Variants in TKFC observed in about 807,000 individuals in gnomAD.
TKFC encodes triokinase and FMN cyclase.
In TKFC, 46 loss-of-function variants were observed where a neutral mutation model predicts 61.0. The ratio of observed to expected loss-of-function variants is 0.75; its 90% CI spans 0.60 to 0.96. The LOEUF is 0.96. Among genes scored for constraint, TKFC ranks in the 50% least tolerant of loss-of-function variants. The pLI, the probability that TKFC is intolerant of heterozygous loss-of-function variation, is 0.00. For missense variants in TKFC, 715 were observed against 777.5 expected, an observed-to-expected ratio of 0.92 and a Z score of 0.96; for synonymous variants, 314 against 330.1, an observed-to-expected ratio of 0.95 and a Z score of 0.53.
downstream of TKFC, chr11:61,353,320 A>G (rs181049351): frequency 2.6e-6 from 2 of 763,352 alleles, no homozygotes; most frequent in East Asian, 2.7e-5. Context: ...CCAAGCAACA[A>G]GAACAGTAAA....
At chr11:61,342,977 G>A (rs989797364) in intron 10 of TKFC, 133 bp downstream of exon 10, 21 of 875,676 alleles carry the variant, frequency 2.4e-5, no homozygotes, top group Non-Finnish European at 3.0e-5. Context: ...CCTAATTGCC[G>A]GATACCTTGA....
rs967173671 is a variant in TKFC, at chr11:61,341,443, G to A, written c.494G>A (p.Gly165Asp). ...CGTVLIHKVA[G>D]ALAEAGVGLE... The stretch of plus-strand genomic sequence containing the variant: ...ACCTCTTTGTGGCTGCAGGTGGCAG[G>A]TGCTCTGGCTGAGGCTGGTGTGGGG... The change falls in exon 6 of 18, where the codon GGT becomes GAT. Residue 165 changes from glycine to aspartate, a missense_variant. Transcript: ENST00000394900. The A allele has an allele frequency of 1.2e-5, 18 of 1,553,656 alleles. No homozygotes were observed. The highest frequency in any genetic ancestry group is 1.5e-5 in the Non-Finnish European group (17 of 1,148,024).
intron 2 of TKFC, among the ~76,000 whole-genome samples, chr11:61,337,422 A>G (rs1856655418): frequency 6.6e-6 from 1 of 152,222 alleles, no homozygotes; most frequent in South Asian, 2.1e-4. Context: ...CTGGGATTAC[A>G]GGCATGAGCC....
intron 5 of TKFC, among the ~76,000 whole-genome samples, chr11:61,340,123 T>A (rs1057445713): frequency 1.3e-5 from 2 of 152,036 alleles, no homozygotes; most frequent in African/African-American, 4.8e-5. Context: ...TGATTCTCCT[T>A]CCTCAGCCTC....
In TKFC at chr11:61,339,051, T is replaced by C. The variant is rs1373180360; in HGVS notation, c.194-15T>C. ...GTCCCACCCAGCATGCTCACTCCACTCCTTCCACCTCCAGGTTTCATAGGG... is the reference window on the plus strand; with the variant it reads ...GTCCCACCCAGCATGCTCACTCCACCCCTTCCACCTCCAGGTTTCATAGGG... On this transcript the variant is annotated splice_polypyrimidine_tract_variant and intron_variant, in intron 3 of 17. Transcript: ENST00000394900. 6.2e-7 allele frequency: 1 copy of C among 1,609,286 alleles called. No individual in the cohort carries two copies. The highest frequency in any genetic ancestry group is 1.1e-5 in the South Asian group (1 of 90,762).
rs920034479 is a variant in TKFC at position 61,349,159 on chromosome 11, G to A, written c.*2656G>A. 3.4e-5 allele frequency: 7 copies of A among 204,480 alleles called. No individual in the cohort carries two copies. Among genetic ancestry groups the A allele is most frequent in the Admixed American group, 1.0e-4 (2 of 19,936 alleles). 12.7% of individuals were successfully genotyped at this position (204,480 alleles called of 1,614,324 possible). The stretch of plus-strand genomic sequence containing the variant: ...AAAAAAGCCACAGCAGCAACACTTA[G>A]GAGCAAGACCCTTCCCGCTCTCCAC... On this transcript the variant is annotated 3_prime_UTR_variant, in exon 18 of 18. Coordinates refer to ENST00000394900, the MANE Select transcript of TKFC (RefSeq NM_015533.4).
Position 61,346,541 on chromosome 11 carries a change from C to T in TKFC, c.*38C>T. 1 of 1,519,428 alleles carries T rather than the reference C, an allele frequency of 6.6e-7. No individual in the cohort carries two copies. Among genetic ancestry groups the T allele is most frequent in the Non-Finnish European group, 8.8e-7 (1 of 1,133,740 alleles). The allele number at this position is 1,519,428 out of a possible 1,614,324, so 94.1% of individuals were successfully genotyped here. A position where few individuals can be genotyped will look rare whatever the true frequency, so the allele number is the denominator to read the frequency against. ...CCTCCCTTGGCCTCAGCTCCTCTCA[C>T]TGCTGTGCTGAGGTGGCCTTTGTCA... On this transcript the variant is annotated 3_prime_UTR_variant, in exon 18 of 18. Transcript: ENST00000394900. This position sits in a 1 kb window ranked among gnomAD's most constrained non-coding sequence, Gnocchi z 4.1.
chr11:61,346,332 C>T lies in TKFC; in HGVS notation c.1576-19C>T. On this transcript the variant is annotated intron_variant, in intron 17 of 17. Transcript: ENST00000394900. The surrounding 1 kb of genome is among the most constrained non-coding windows in gnomAD (Gnocchi z 4.1). ...CTGGTGATCTGCCCTTGAACCTGCT[C>T]CCACACCCCATCCCCCAGAGTGCCG... 1 of 1,611,716 alleles carries T rather than the reference C, an allele frequency of 6.2e-7. No individual in the cohort carries two copies.
chr11:61,341,400 C>T, intron 5 of TKFC, 36 bp from the exon 6 acceptor site: 1 of 1,549,758 alleles, frequency 6.5e-7, no homozygotes, highest in Non-Finnish European at 8.7e-7. Context: ...CAGTGATACC[C>T]TCCCCCCTGG....
In TKFC at chr11:61,344,117, C is replaced by T; in HGVS notation, c.1103-19C>T. The T allele has an allele frequency of 6.2e-7, 1 of 1,611,288 alleles. No homozygotes were observed. Among genetic ancestry groups the T allele is most frequent in the South Asian group, 1.1e-5 (1 of 90,964 alleles). On this transcript the variant is annotated intron_variant, in intron 12 of 17. Transcript: ENST00000394900. ...AGAAGGGCCTGGTGGGCCTGTTCTT[C>T]AGCATCCTCCCTTTCTAGGCTCAGC...
chr11:61,342,520 C>T (rs746710986), intron 8 of TKFC, 25 bp downstream of exon 8: 12 of 1,613,938 alleles, frequency 7.4e-6, no homozygotes, highest in Non-Finnish European at 1.0e-5. Flanking sequence ...TGGCACAGGC[C>T]GCCCTAAGGC....
Position 61,343,466 on chromosome 11 carries a change from T to C in TKFC, c.982+8T>C. The C allele has an allele frequency of 6.2e-7, 1 of 1,612,338 alleles. No individual in the cohort carries two copies. Among genetic ancestry groups the C allele is most frequent in the Non-Finnish European group, 8.5e-7 (1 of 1,178,404 alleles). On this transcript the variant is annotated splice_region_variant and intron_variant, in intron 11 of 17. Transcript: ENST00000394900. ...CTCTCCTGAAACTGATAGGTGAGACTTGGAACCTGGGGTCACCCAAGCCAG... is the reference window on the plus strand; with the variant it reads ...CTCTCCTGAAACTGATAGGTGAGACCTGGAACCTGGGGTCACCCAAGCCAG...
chr11:61,341,924 G>T lies in TKFC; in HGVS notation c.655+12G>T, dbSNP rs770744317. 1.2e-6 allele frequency: 2 copies of T among 1,608,934 alleles called. No homozygotes were observed. Among genetic ancestry groups the T allele is most frequent in the East Asian group, 4.5e-5 (2 of 44,860 alleles). ...GGAGCTGGGCCTGGGTAAGCTTGTG[G>T]CCATCCATCCCAGCCCTGCCTGCTC... On this transcript the variant is annotated intron_variant, in intron 7 of 17. Coordinates refer to ENST00000394900, the MANE Select transcript of TKFC (RefSeq NM_015533.4).
At position 61,347,815 on chromosome 11, in the gene TKFC, C is replaced by T. The variant is rs1055781027; in HGVS notation, c.*1312C>T. On this transcript the variant is annotated 3_prime_UTR_variant, in exon 18 of 18. Transcript: ENST00000394900. ...TCTGTAAAATCAGAATGGTACCCAC[C>T]TCATGGGGACATGAAAGGATTCAAA... is the stretch of plus-strand genomic sequence containing the variant. The T allele has an allele frequency of 2.1e-6, 2 of 973,556 alleles. No individual in the cohort carries two copies. Among genetic ancestry groups the T allele is most frequent in the African/African-American group, 3.5e-5 (2 of 57,010 alleles). 60.3% of individuals were successfully genotyped at this position (973,556 alleles called of 1,614,324 possible).
At chr11:61,343,732 T>G (rs1856976320) in intron 11 of TKFC, 124 bp from the exon 12 acceptor site, 1 of 1,394,038 alleles carries the variant, frequency 7.2e-7, no homozygotes, top group Non-Finnish European at 9.7e-7. Context: ...CTTGTCGAGG[T>G]GGACTCCCTT....
chr11:61,343,493 G>T (rs374017249), intron 11 of TKFC, 35 bp downstream of exon 11: 4 of 1,593,266 alleles, frequency 2.5e-6, no homozygotes, highest in South Asian at 1.1e-5. Context: ...CCAAGCCAGG[G>T]CTCCTTGTAA....
intron 2 of TKFC, 123 bp from the exon 3 acceptor site, chr11:61,337,818 C>T: frequency 1.1e-6 from 1 of 892,832 alleles, no homozygotes; most frequent in Non-Finnish European, 1.6e-6. Context: ...CAAGGAAGTC[C>T]TGTGCTCCTG....
chr11:61,353,216 C>G, downstream of TKFC: 1 of 1,487,396 alleles, frequency 6.7e-7, no homozygotes, highest in Non-Finnish European at 9.0e-7. Context: ...GTGCCTCCTC[C>G]CCATCTCTGC....
intron 2 of TKFC, chr11:61,335,333 A>T (rs1485708701): frequency 6.5e-6 from 1 of 154,878 alleles, no homozygotes; most frequent in African/African-American, 2.4e-5. Context: ...TGTGGTGTTG[A>T]TCAAGCAGAG....
Sources: gnomAD v4.1 joint callset for allele counts (sites outside exome capture counted in the v4.1 genomes callset) on GRCh38, gnomAD v4.1.1 for gene constraint, Gnocchi (gnomAD v3.1) non-coding constraint, MANE v1.5 for transcripts, NCBI Gene and HGNC (gene_info 2026-07-23, HGNC 2026-07-21) for gene names.